FAF1: variants seen among roughly 807,000 people sequenced by gnomAD.
FAF1 encodes FAS-associated factor 1.
In FAF1, 25 loss-of-function variants were observed where a neutral mutation model predicts 92.5. The ratio of observed to expected loss-of-function variants is 0.27; its 90% CI spans 0.20 to 0.38. The LOEUF (loss-of-function observed/expected upper bound fraction) is 0.38, where lower values mean the gene tolerates loss of function less well. FAF1 is among the 10% of genes least tolerant of loss of function. The pLI is 1.00. For synonymous variants in FAF1, 234 were observed against 273.2 expected, an observed-to-expected ratio of 0.86 and a Z score of 1.42; for missense variants, 636 against 793.3, an observed-to-expected ratio of 0.80 and a Z score of 2.38.
chr1:50,782,822 C>T (rs1325073841), intron 4 of FAF1, among the ~76,000 whole-genome samples: 2 of 152,144 alleles, frequency 1.3e-5, no homozygotes, highest in East Asian at 3.9e-4. Flanking sequence ...CATCAATGTA[C>T]AGTAATGTCC....
chr1:50,662,728 C>G (rs11205755), intron 7 of FAF1, among the ~76,000 whole-genome samples: 1 of 116,940 alleles, frequency 8.6e-6, no homozygotes, highest in South Asian at 2.8e-4. Context: ...CGGAGTCTCC[C>G]TCTGTCGCGC....
intron 4 of FAF1, among the ~76,000 whole-genome samples, chr1:50,760,052 G>C (rs569260584): frequency 1.3e-5 from 2 of 151,988 alleles, no homozygotes; most frequent in South Asian, 4.2e-4. Flanking sequence ...CTGGATACTC[G>C]CCCTTTGTCA....
chr1:50,789,428 T>A (rs1661487966), intron 3 of FAF1, among the ~76,000 whole-genome samples: 1 of 152,190 alleles, frequency 6.6e-6, no homozygotes, highest in African/African-American at 2.4e-5. Flanking sequence ...CTGACCCTCC[T>A]CCATTACTCC....
chr1:50,552,753 G>A (rs1649371771), intron 13 of FAF1, among the ~76,000 whole-genome samples: 1 of 152,076 alleles, frequency 6.6e-6, no homozygotes. Context: ...ACTAGTGGGG[G>A]CAGCTGGGAG....
chr1:50,571,734 A>G (rs1453411735), intron 12 of FAF1, among the ~76,000 whole-genome samples: 2 of 152,190 alleles, frequency 1.3e-5, no homozygotes, highest in African/African-American at 4.8e-5. Flanking sequence ...ACAGCAACCA[A>G]TGTGACTTGG....
intron 5 of FAF1, 72 bp downstream of exon 5, chr1:50,744,612 C>A (rs1659514968): frequency 9.5e-7 from 1 of 1,057,666 alleles, no homozygotes; most frequent in African/African-American, 1.6e-5. Flanking sequence ...TAATTAAAAC[C>A]AATTTTTACA....
intron 4 of FAF1, among the ~76,000 whole-genome samples, chr1:50,772,183 T>A (rs1164630916): frequency 2.0e-5 from 3 of 151,894 alleles, no homozygotes; most frequent in Non-Finnish European, 4.4e-5. Context: ...GAAAAATAAA[T>A]AAATAAATAA....
At chr1:50,544,177 T>G (rs1252607466) in intron 13 of FAF1, among the ~76,000 whole-genome samples, 1 of 152,184 alleles carries the variant, frequency 6.6e-6, no homozygotes, top group Admixed American at 6.5e-5. Flanking sequence ...AAGGTTCCCA[T>G]ATGAGTTTCG....
Position 50,438,363 on chromosome 1 carries a change from G to C in FAF1, c.*3077C>G, listed in dbSNP as rs912171984. 3.9e-5 allele frequency: 6 copies of C among 152,216 alleles called. No homozygotes were observed. The highest frequency in any genetic ancestry group is 8.8e-5 in the Non-Finnish European group (6 of 68,050). 9.4% of individuals were successfully genotyped at this position (152,216 alleles called of 1,614,324 possible). On this transcript the variant is annotated 3_prime_UTR_variant, in exon 19 of 19. Transcript: ENST00000396153. ...AACTTGGAAGACACTGAAGTCTCTG[G>C]AATGTGTGTGTATGTGGCTGTGGTT... is the stretch of plus-strand genomic sequence containing the variant.
intron 6 of FAF1, among the ~76,000 whole-genome samples, chr1:50,730,371 C>T (rs572951172): frequency 6.1e-4 from 93 of 151,364 alleles, no homozygotes; most frequent in African/African-American, 2.1e-3. Flanking sequence ...CCCTTTTTTT[C>T]ATACCTAGTA....
intron 1 of FAF1, 119 bp from the exon 2 acceptor site, chr1:50,858,116 C>CATAATATGTAATTTAAATT: frequency 1.7e-6 from 1 of 578,820 alleles, no homozygotes; most frequent in Non-Finnish European, 2.9e-6. Context: ...ATGAATAAAG[C>CATAATATGTAATTTAAATT]CAAAACACTA....
intron 4 of FAF1, among the ~76,000 whole-genome samples, chr1:50,764,756 G>T (rs78345609): frequency 0.031 from 4,668 of 152,274 alleles, 251 homozygotes; most frequent in African/African-American, 0.11. Context: ...GGCAAAAGTA[G>T]AAATTCTGTT....
rs370154209 is a variant in FAF1 at position 50,672,019 on chromosome 1, CTTTTTT to C, written c.658-16497_658-16492del. On this transcript the variant is annotated intron_variant, in intron 7 of 18. Coordinates refer to ENST00000396153, the MANE Select transcript of FAF1 (RefSeq NM_007051.3). ...CACTATGTTGTCCAGGGTGGTCTTT[CTTTTTT>C]TTTTTTTTATTATTTATTTACTTAT... Among the ~76,000 whole-genome samples, 983 of 138,124 alleles carry C rather than the reference CTTTTTT, an allele frequency of 7.1e-3. 12 individuals carry two copies. The highest frequency in any genetic ancestry group is 0.054 in the South Asian group (233 of 4,278). The allele number at this position is 138,124 out of a possible 152,430, so 90.6% of individuals were successfully genotyped here. A position where few individuals can be genotyped will look rare whatever the true frequency, so the allele number is the denominator to read the frequency against.
At chr1:50,525,680 G>C (rs1005593057) in intron 15 of FAF1, among the ~76,000 whole-genome samples, 6 of 152,142 alleles carry the variant, frequency 3.9e-5, no homozygotes, top group Non-Finnish European at 5.9e-5. Context: ...GATGTTGGCT[G>C]TGGGTTTTTC....
At chr1:50,830,842 A>G (rs1570019587) in intron 2 of FAF1, among the ~76,000 whole-genome samples, 1 of 152,322 alleles carries the variant, frequency 6.6e-6, no homozygotes, top group Non-Finnish European at 1.5e-5. Flanking sequence ...AAGAATAAAG[A>G]AATTCTAGAA....
intron 1 of FAF1, among the ~76,000 whole-genome samples, chr1:50,950,476 C>CT (rs1299063523): frequency 6.6e-6 from 1 of 152,240 alleles, no homozygotes; most frequent in Non-Finnish European, 1.5e-5. Context: ...CTACTCATCT[C>CT]TGTCACTCTA....
At chr1:50,670,760 C>G (rs1355143631) in intron 7 of FAF1, among the ~76,000 whole-genome samples, 1 of 151,828 alleles carries the variant, frequency 6.6e-6, no homozygotes, top group African/African-American at 2.4e-5. Flanking sequence ...GGCAAAACCC[C>G]GTCTCTATAA....
intron 9 of FAF1, among the ~76,000 whole-genome samples, chr1:50,589,118 CTG>C (rs771627740): frequency 2.0e-5 from 3 of 152,170 alleles, no homozygotes; most frequent in Non-Finnish European, 1.5e-5. Flanking sequence ...AGACATAAAA[CTG>C]TGACAGCCAG....
At chr1:50,519,145 C>A (rs1647354935) in intron 15 of FAF1, among the ~76,000 whole-genome samples, 1 of 152,034 alleles carries the variant, frequency 6.6e-6, no homozygotes, top group Admixed American at 6.6e-5. Context: ...GCCTGGCCAG[C>A]ATGGTGAAAC....
Sources: gnomAD v4.1 joint callset for allele counts (sites outside exome capture counted in the v4.1 genomes callset) on GRCh38, gnomAD v4.1.1 for gene constraint, MANE v1.5 for transcripts, NCBI Gene and HGNC (gene_info 2026-07-23, HGNC 2026-07-21) for gene names.